Variants in MRTFA observed in about 807,000 individuals in gnomAD.
MRTFA encodes myocardin related transcription factor A.
Under a neutral mutation model 83.5 loss-of-function variants are expected in MRTFA, and 20 were observed. The ratio of observed to expected loss-of-function variants is 0.24; its 90% CI spans 0.17 to 0.35. The LOEUF is 0.35. Among genes scored for constraint, MRTFA ranks in the 10% least tolerant of loss-of-function variants. MRTFA has a pLI of 1.00. For missense variants in MRTFA, 1,200 were observed against 1,224.7 expected, an observed-to-expected ratio of 0.98 and a Z score of 0.30; for synonymous variants, 659 against 541.2, an observed-to-expected ratio of 1.22 and a Z score of -3.02.
In MRTFA at chr22:40,411,395, A is replaced by C. The variant is rs1172786931; in HGVS notation, c.3091T>G (p.Leu1031Val). Residue 1031 changes from leucine to valine, a missense_variant, in exon 15 of 15, where the codon TTG becomes GTG. Around this residue, in one of 2 missense-constraint regions of MRTFA, gnomAD observed 1,107 missense variants for 1,041.8 expected, o/e 1.06. Coordinates refer to ENST00000355630, the MANE Select transcript of MRTFA (RefSeq NM_020831.6). The stretch of plus-strand genomic sequence containing the variant: ...CCCCGTCTTGAGCCAGAGAGCTACA[A>C]GCAGGAATCCCAGTGCAGCTGCAAA... 6.4e-7 allele frequency: 1 copy of C among 1,553,684 alleles called. No individual in the cohort carries two copies. The highest frequency in any genetic ancestry group is 1.8e-5 in the Admixed American group (1 of 56,238).
intron 4 of MRTFA, among the ~76,000 whole-genome samples, chr22:40,461,711 A>G (rs756582886): frequency 2.6e-5 from 4 of 151,664 alleles, no homozygotes; most frequent in Non-Finnish European, 4.4e-5. Flanking sequence ...AGGCAGGAGA[A>G]TGGCGTGAAC....
intron 4 of MRTFA, among the ~76,000 whole-genome samples, chr22:40,439,350 G>C (rs2053230408): frequency 6.6e-6 from 1 of 151,434 alleles, no homozygotes; most frequent in African/African-American, 2.4e-5. Context: ...TAAAATTACA[G>C]AAAAATTAGT....
chr22:40,568,797 G>A (rs772057500), intron 2 of MRTFA, among the ~76,000 whole-genome samples: 32 of 152,216 alleles, frequency 2.1e-4, no homozygotes, highest in Non-Finnish European at 4.4e-4. Context: ...AGCAGCACTA[G>A]TCAGCAGTCA....
rs1301007811 is a variant in MRTFA, at chr22:40,536,456, G to C, written c.241+15650C>G. On this transcript the variant is annotated intron_variant, in intron 3 of 14. Coordinates refer to ENST00000355630, the MANE Select transcript of MRTFA (RefSeq NM_020831.6). ...GGAGCGGACGGGCCCCGCGGGGCCC[G>C]AGGGCAAGGAGCAGCCGCCTGCCTT... 1.4e-5 allele frequency among the ~76,000 whole-genome samples: 2 copies of C among 146,878 alleles called. 1 individual carries two copies. Among genetic ancestry groups the C allele is most frequent in the South Asian group, 4.3e-4 (2 of 4,604 alleles).
intron 3 of MRTFA, among the ~76,000 whole-genome samples, chr22:40,475,092 G>C (rs965574408): frequency 8.0e-5 from 12 of 149,822 alleles, no homozygotes; most frequent in Non-Finnish European, 8.9e-5. Flanking sequence ...GCCTGCCTTG[G>C]CCTCCCAACG....
chr22:40,557,954 A>C (rs948464300), intron 2 of MRTFA, among the ~76,000 whole-genome samples: 1 of 152,118 alleles, frequency 6.6e-6, no homozygotes, highest in African/African-American at 2.4e-5. Context: ...TTGTATTTTT[A>C]GTAGAGATGG....
At chr22:40,537,091 C>T (rs2055196276) in intron 3 of MRTFA, among the ~76,000 whole-genome samples, 1 of 55,004 alleles carries the variant, frequency 1.8e-5, no homozygotes, top group African/African-American at 7.1e-5. Context: ...CCTGGCCAGC[C>T]GTGCCGTCCG....
At chr22:40,595,078 T>C (rs1227568011) in intron 1 of MRTFA, among the ~76,000 whole-genome samples, 2 of 151,416 alleles carry the variant, frequency 1.3e-5, no homozygotes, top group Non-Finnish European at 2.9e-5. Context: ...AATTGTCCTA[T>C]ACCTCTGAAA....
chr22:40,513,353 C>G (rs1369312141), intron 3 of MRTFA, among the ~76,000 whole-genome samples: 1 of 152,190 alleles, frequency 6.6e-6, no homozygotes, highest in East Asian at 1.9e-4. Flanking sequence ...GTAATCCCAC[C>G]ACTTTAGGAG....
At chr22:40,496,241 TC>T (rs1220875186) in intron 3 of MRTFA, among the ~76,000 whole-genome samples, 1 of 152,162 alleles carries the variant, frequency 6.6e-6, no homozygotes, top group African/African-American at 2.4e-5. Flanking sequence ...TCACCTCAGA[TC>T]CATAATAAAT....
intron 14 of MRTFA, among the ~76,000 whole-genome samples, chr22:40,415,677 C>T (rs1228705330): frequency 6.6e-6 from 1 of 152,136 alleles, no homozygotes; most frequent in Non-Finnish European, 1.5e-5. Flanking sequence ...TCCCCTCACA[C>T]AGACGCGCGC....
intron 3 of MRTFA, among the ~76,000 whole-genome samples, chr22:40,538,443 G>T (rs1021011107): frequency 1.3e-5 from 2 of 150,570 alleles, no homozygotes; most frequent in African/African-American, 4.9e-5. Context: ...AAGGCCGCAG[G>T]GTCCTCTGCC....
chr22:40,484,086 TATAG>T (rs926961960), intron 3 of MRTFA, among the ~76,000 whole-genome samples: 6 of 151,198 alleles, frequency 4.0e-5, no homozygotes, highest in South Asian at 2.1e-4. Flanking sequence ...TGGGTTGGGT[TATAG>T]ATAGATAGAT....
At chr22:40,428,874 G>A (rs1236996940) in intron 7 of MRTFA, among the ~76,000 whole-genome samples, 1 of 151,998 alleles carries the variant, frequency 6.6e-6, no homozygotes, top group Non-Finnish European at 1.5e-5. Context: ...TCCCTGCCTG[G>A]AGCACCGTCC....
chr22:40,453,740 T>A (rs1407136998), intron 4 of MRTFA, among the ~76,000 whole-genome samples: 1 of 151,814 alleles, frequency 6.6e-6, no homozygotes, highest in East Asian at 1.9e-4. Context: ...AAAAAAAAAA[T>A]TGTTAAAAAA....
chr22:40,449,790 T>A (rs193266447), intron 4 of MRTFA, among the ~76,000 whole-genome samples: 5 of 152,362 alleles, frequency 3.3e-5, no homozygotes, highest in African/African-American at 9.6e-5. Context: ...TTCAGGATCA[T>A]TGCAATGCAT....
intron 2 of MRTFA, among the ~76,000 whole-genome samples, chr22:40,584,913 C>T (rs569426708): frequency 2.3e-4 from 35 of 151,966 alleles, no homozygotes; most frequent in African/African-American, 8.0e-4. Flanking sequence ...GGCGTGGTGG[C>T]GCACGCCTGT....
At chr22:40,511,070 T>G (rs1052375185) in intron 3 of MRTFA, among the ~76,000 whole-genome samples, 3 of 151,928 alleles carry the variant, frequency 2.0e-5, no homozygotes, top group African/African-American at 7.3e-5. Flanking sequence ...TGATTAGAAT[T>G]GGTAGTTAGC....
intron 4 of MRTFA, among the ~76,000 whole-genome samples, chr22:40,440,481 C>A (rs1049259822): frequency 6.6e-6 from 1 of 152,196 alleles, no homozygotes; most frequent in Non-Finnish European, 1.5e-5. Flanking sequence ...ATTTTTAATT[C>A]TTCTCTCTGA....
Sources: gnomAD v4.1 joint callset for allele counts (sites outside exome capture counted in the v4.1 genomes callset) on GRCh38, gnomAD v4.1.1 for gene constraint, gnomAD v4.1.1 regional missense constraint, MANE v1.5 for transcripts, NCBI Gene and HGNC (gene_info 2026-07-23, HGNC 2026-07-21) for gene names.